PARD3: variants seen among roughly 807,000 people sequenced by gnomAD.
PARD3 encodes par-3 family cell polarity regulator, also known as partitioning defective 3 homolog.
PARD3 carries 75 observed loss-of-function variants against 155.4 expected under a neutral mutation model. That is an observed-to-expected ratio of 0.48 (90% CI 0.40 to 0.58). PARD3 has a LOEUF of 0.58. Ranked by LOEUF, PARD3 falls within the 20% of genes least tolerant of loss-of-function variation. The pLI is 0.00. For synonymous variants in PARD3, 576 were observed against 610.5 expected (o/e 0.94, Z 0.83); for missense variants, 1,642 against 1,721.7 (o/e 0.95, Z 0.82).
chr10:34,174,081 C>T (rs567456976), intron 22 of PARD3, among the ~76,000 whole-genome samples: 2 of 152,194 alleles, frequency 1.3e-5, no homozygotes, highest in African/African-American at 4.8e-5. Flanking sequence ...GTGGATGGAC[C>T]GTTAAACCTC....
chr10:34,789,786 C>T (rs1008087874), intron 1 of PARD3, among the ~76,000 whole-genome samples: 13 of 152,128 alleles, frequency 8.5e-5, no homozygotes, highest in African/African-American at 2.9e-4. Flanking sequence ...GAAAGAAATG[C>T]TCTTTTGTAG....
rs1054704288 is a variant in PARD3 at position 34,229,117 on chromosome 10, C to G, written c.3419+40540G>C. Among the ~76,000 whole-genome samples, 10 of 152,130 alleles carry G rather than the reference C, an allele frequency of 6.6e-5. 1 individual carries two copies. The highest frequency in any genetic ancestry group is 2.4e-4 in the African/African-American group (10 of 41,378). On this transcript the variant is annotated intron_variant, in intron 22 of 24. Transcript: ENST00000374788. Reference sequence around the variant, plus strand: ...TGACTCAGTCCTCACAACAGCCACACGCCTAGCCAATGGGATCACCAAGCC... The same window carrying G: ...TGACTCAGTCCTCACAACAGCCACAGGCCTAGCCAATGGGATCACCAAGCC...
intron 20 of PARD3, among the ~76,000 whole-genome samples, chr10:34,309,589 ACAGATGGAT>A (rs1416090553): frequency 6.9e-6 from 1 of 144,114 alleles, no homozygotes; most frequent in East Asian, 2.2e-4. Flanking sequence ...AAAGGCAGAC[ACAGATGGAT>A]CAGATGGATT....
At chr10:34,119,790 A>G in intron 23 of PARD3, 50 bp from the exon 24 acceptor site, 4 of 1,484,318 alleles carry the variant, frequency 2.7e-6, no homozygotes, top group South Asian at 1.4e-5. Context: ...TTCTGTACAG[A>G]TCACACAACT....
chr10:34,723,458 C>T (rs1379401324), intron 1 of PARD3, among the ~76,000 whole-genome samples: 1 of 152,116 alleles, frequency 6.6e-6, no homozygotes, highest in East Asian at 1.9e-4. Flanking sequence ...TTTCTGATTG[C>T]TTTTTTCCTT....
intron 22 of PARD3, among the ~76,000 whole-genome samples, chr10:34,164,116 C>T (rs17459796): frequency 0.027 from 4,117 of 152,080 alleles, 78 homozygotes; most frequent in Non-Finnish European, 0.04. Flanking sequence ...TTGTGCAAAG[C>T]GGAAAAATAA....
At chr10:34,242,813 T>C (rs1477294914) in intron 22 of PARD3, among the ~76,000 whole-genome samples, 2 of 152,164 alleles carry the variant, frequency 1.3e-5, no homozygotes, top group Non-Finnish European at 2.9e-5. Context: ...CGCACACCTG[T>C]AATCCCAGCT....
intron 19 of PARD3, 127 bp from the exon 20 acceptor site, chr10:34,317,465 G>A (rs1048048633): frequency 1.1e-6 from 1 of 914,006 alleles, no homozygotes. Flanking sequence ...TAGCAACATG[G>A]ACTGCAATGC....
intron 3 of PARD3, among the ~76,000 whole-genome samples, chr10:34,487,084 C>T (rs1006973192): frequency 9.2e-5 from 14 of 151,864 alleles, no homozygotes; most frequent in Non-Finnish European, 1.6e-4. Flanking sequence ...ATTTTTGTAT[C>T]CTCTGTGAGC....
chr10:34,683,696 A>G (rs929510392), intron 2 of PARD3, among the ~76,000 whole-genome samples: 3 of 151,982 alleles, frequency 2.0e-5, no homozygotes, highest in Non-Finnish European at 2.9e-5. Flanking sequence ...CTTTCGCTAG[A>G]AGGACTGAGG....
At chr10:34,127,444 C>T (rs1443197663) in intron 23 of PARD3, among the ~76,000 whole-genome samples, 1 of 152,218 alleles carries the variant, frequency 6.6e-6, no homozygotes, top group Non-Finnish European at 1.5e-5. Context: ...CACCCCTAGC[C>T]TACCTCTGCT....
chr10:34,631,148 A>C (rs1034397797), intron 2 of PARD3, among the ~76,000 whole-genome samples: 1 of 152,092 alleles, frequency 6.6e-6, no homozygotes, highest in African/African-American at 2.4e-5. Flanking sequence ...CAAATCCACA[A>C]GTCATCATAA....
chr10:34,815,082 G>A lies in PARD3; in HGVS notation c.-87C>T. ...GGGACCGAGGACGCTGGGCGCGGAG[G>A]AGCCGCTGGGGACTCGGGCGCGCGG... On this transcript the variant is annotated 5_prime_UTR_variant, in exon 1 of 25. Transcript: ENST00000374788. The A allele has an allele frequency of 1.0e-6, 1 of 969,120 alleles. No homozygotes were observed. The highest frequency in any genetic ancestry group is 1.3e-6 in the Non-Finnish European group (1 of 779,520). 60.0% of individuals were successfully genotyped at this position (969,120 alleles called of 1,614,324 possible). A position where few individuals can be genotyped will look rare whatever the true frequency, so the allele number is the denominator to read the frequency against.
chr10:34,612,399 G>C lies in PARD3; in HGVS notation c.222+83919C>G, dbSNP rs184126717. Among the ~76,000 whole-genome samples, 370 of 152,202 alleles carry C rather than the reference G, an allele frequency of 2.4e-3. 3 individuals carry two copies. Among genetic ancestry groups the C allele is most frequent in the South Asian group, 0.02 (98 of 4,816 alleles). ...TCTTTAGGAAGAGGACAACCATTTT[G>C]TTTTTAAAGCCTAATACAACGGAAG... On this transcript the variant is annotated intron_variant, in intron 2 of 24. Coordinates refer to ENST00000374788, the MANE Select transcript of PARD3 (RefSeq NM_001184785.2).
At chr10:34,571,607 A>C (rs1695439768) in intron 2 of PARD3, among the ~76,000 whole-genome samples, 1 of 152,196 alleles carries the variant, frequency 6.6e-6, no homozygotes, top group Admixed American at 6.5e-5. Flanking sequence ...TAAATGTAAA[A>C]AATCTTATAT....
chr10:34,201,300 G>A (rs137993551), intron 22 of PARD3, among the ~76,000 whole-genome samples: 166 of 152,296 alleles, frequency 1.1e-3, no homozygotes, highest in Non-Finnish European at 2.0e-3. Flanking sequence ...ACTTCTGTTC[G>A]TTGCTGCTTC....
intron 2 of PARD3, among the ~76,000 whole-genome samples, chr10:34,550,988 A>G (rs1480081841): frequency 1.3e-5 from 2 of 152,222 alleles, no homozygotes; most frequent in Non-Finnish European, 2.9e-5. Context: ...TGCCATAAGT[A>G]GTAGAGACAT....
chr10:34,616,093 T>C (rs1031103710), intron 2 of PARD3, among the ~76,000 whole-genome samples: 1 of 151,834 alleles, frequency 6.6e-6, no homozygotes, highest in African/African-American at 2.4e-5. Flanking sequence ...CAGAGGCGGG[T>C]GGATCACCTG....
At chr10:34,313,304 T>C (rs1957804746) in intron 20 of PARD3, among the ~76,000 whole-genome samples, 1 of 152,242 alleles carries the variant, frequency 6.6e-6, no homozygotes, top group African/African-American at 2.4e-5. Context: ...CTCAGGTTTC[T>C]TAGATACAAA....
Sources: gnomAD v4.1 joint callset for allele counts (sites outside exome capture counted in the v4.1 genomes callset) on GRCh38, gnomAD v4.1.1 for gene constraint, MANE v1.5 for transcripts, NCBI Gene and HGNC (gene_info 2026-07-23, HGNC 2026-07-21) for gene names.